The following UBE3A variants were observed in gnomAD, a reference collection of about 807,000 sequenced individuals.
UBE3A encodes ubiquitin-protein ligase E3A.
A neutral mutation model predicts 83.4 loss-of-function variants in UBE3A; 6 were observed. The observed-to-expected ratio is 0.07, with a 90% CI of 0.04 to 0.14. UBE3A has a LOEUF of 0.14. Among genes scored for constraint, UBE3A ranks in the 10% least tolerant of loss-of-function variants. The probability of loss-of-function intolerance (pLI) is 1.00; values close to 1 mark genes in which losing one functional copy is unlikely to be tolerated. For missense variants in UBE3A, 456 were observed against 1,036.1 expected (o/e 0.44, Z 7.69); for synonymous variants, 337 against 355.4 (o/e 0.95, Z 0.58).
chr15:25,368,304 A>C (rs2079663261), intron 6 of UBE3A, among the ~76,000 whole-genome samples: 2 of 152,138 alleles, frequency 1.3e-5, no homozygotes, highest in Non-Finnish European at 2.9e-5. Context: ...CTTACTTCAA[A>C]AAATTACACA....
intron 2 of UBE3A, 57 bp downstream of exon 2, chr15:25,411,851 T>C (rs2090058792): frequency 6.6e-6 from 1 of 152,208 alleles, no homozygotes; most frequent in Non-Finnish European, 1.5e-5. Context: ...TCTGTCATTA[T>C]TATGACATTA....
intron 11 of UBE3A, among the ~76,000 whole-genome samples, chr15:25,343,514 A>C (rs371055854): frequency 9.2e-5 from 14 of 152,308 alleles, no homozygotes; most frequent in Non-Finnish European, 1.6e-4. Context: ...ACCAAAGAAG[A>C]AGCAGTATGA....
chr15:25,386,260 C>T (rs2083111778), intron 4 of UBE3A, among the ~76,000 whole-genome samples: 1 of 152,158 alleles, frequency 6.6e-6, no homozygotes, highest in Admixed American at 6.5e-5. Context: ...CTTACAACCA[C>T]ATTACTAAAT....
intron 4 of UBE3A, among the ~76,000 whole-genome samples, chr15:25,379,491 TA>T (rs1342759778): frequency 1.3e-5 from 2 of 152,150 alleles, no homozygotes; most frequent in East Asian, 1.9e-4. Context: ...GAGACAGGAC[TA>T]AAGGAAGCCA....
chr15:25,402,910 TCTGCCATCTTG>T (rs1283916800), intron 4 of UBE3A, among the ~76,000 whole-genome samples: 3 of 152,224 alleles, frequency 2.0e-5, no homozygotes, highest in Non-Finnish European at 2.9e-5. Flanking sequence ...AAAGTGCTAG[TCTGCCATCTTG>T]CTGTTATCTA....
intron 4 of UBE3A, among the ~76,000 whole-genome samples, chr15:25,404,198 T>C (rs1390199040): frequency 1.3e-5 from 2 of 152,104 alleles, no homozygotes; most frequent in South Asian, 2.1e-4. Context: ...AGATTCACAA[T>C]ATATACCGGC....
intron 4 of UBE3A, among the ~76,000 whole-genome samples, chr15:25,385,703 G>A (rs984651864): frequency 1.3e-5 from 2 of 152,068 alleles, no homozygotes; most frequent in African/African-American, 4.8e-5. Context: ...TGAGAGCAGA[G>A]AACAGGTGAA....
intron 4 of UBE3A, among the ~76,000 whole-genome samples, chr15:25,389,980 T>A (rs1011355449): frequency 6.6e-6 from 1 of 152,126 alleles, no homozygotes; most frequent in African/African-American, 2.4e-5. Context: ...ATTAAAAAAT[T>A]GGCCAACAAC....
intron 11 of UBE3A, among the ~76,000 whole-genome samples, chr15:25,347,722 CA>C (rs1466578693): frequency 7.2e-5 from 11 of 151,860 alleles, no homozygotes; most frequent in Admixed American, 6.6e-4. Context: ...AACAAACAAA[CA>C]AAACAAAACC....
chr15:25,406,090 C>T (rs1433829783), intron 3 of UBE3A, among the ~76,000 whole-genome samples: 1 of 152,150 alleles, frequency 6.6e-6, no homozygotes, highest in African/African-American at 2.4e-5. Context: ...GCCCATAAAG[C>T]CTAAAATATT....
In UBE3A at chr15:25,388,102, T is replaced by C. The variant is rs534310176; in HGVS notation, c.63-12339A>G. ...GACAGAAGCAAAGGAGATGCTCCTATCTCATTGTATGAAGTCAGCATTACT... is the reference window on the plus strand; with the variant it reads ...GACAGAAGCAAAGGAGATGCTCCTACCTCATTGTATGAAGTCAGCATTACT... On this transcript the variant is annotated intron_variant, in intron 4 of 12. Coordinates refer to ENST00000648336, the MANE Select transcript of UBE3A (RefSeq NM_130839.5). Among the ~76,000 whole-genome samples the C allele has an allele frequency of 1.1e-3, 170 of 152,194 alleles. 1 individual carries two copies. The highest frequency in any genetic ancestry group is 3.6e-3 in the African/African-American group (151 of 41,562).
intron 4 of UBE3A, among the ~76,000 whole-genome samples, chr15:25,391,034 A>G (rs2084245380): frequency 6.6e-6 from 1 of 152,186 alleles, no homozygotes; most frequent in African/African-American, 2.4e-5. Context: ...CAGGTTCTCA[A>G]AAAAATATTT....
rs587783102 is a variant in UBE3A, at chr15:25,370,869, A to T, written c.1305T>A (p.Asp435Glu). ...LETELGVKTL[D>E]CRKPLIPFEE... ...CAAAAGGGATAAGTGGTTTTCGACA[A>T]TCCAGGGTTTTAACACCAAGTTCAG... The change falls in exon 6 of 13, where the codon GAT (aspartate) becomes GAA (glutamate). Residue 435 changes from aspartate (D) to glutamate (E), a missense_variant. Around this residue, in one of 13 missense-constraint regions of UBE3A, gnomAD observed 85 missense variants for 137.0 expected, o/e 0.62. Transcript: ENST00000648336. The surrounding 1 kb of genome is among the most constrained non-coding windows in gnomAD (Gnocchi z 4.2). 1 of 1,614,104 alleles carries T rather than the reference A, an allele frequency of 6.2e-7. No individual in the cohort carries two copies. The highest frequency in any genetic ancestry group is 2.2e-5 in the East Asian group (1 of 44,876).
At chr15:25,341,861 C>T (rs1213667843) in intron 11 of UBE3A, among the ~76,000 whole-genome samples, 1 of 151,032 alleles carries the variant, frequency 6.6e-6, no homozygotes, top group Non-Finnish European at 1.5e-5. Context: ...CAATTTTCTA[C>T]CTTTTGATAT....
chr15:25,405,564 C>G, intron 3 of UBE3A, 62 bp from the exon 4 acceptor site: 6 of 1,552,318 alleles, frequency 3.9e-6, no homozygotes, highest in Non-Finnish European at 5.3e-6. Context: ...AAAAGGTAGA[C>G]ATATTACTTA....
At chr15:25,420,935 CAA>C (rs1411957855) in intron 1 of UBE3A, among the ~76,000 whole-genome samples, 1 of 152,100 alleles carries the variant, frequency 6.6e-6, no homozygotes, top group Non-Finnish European at 1.5e-5. Flanking sequence ...ATAAATAAAA[CAA>C]AAAGTGATAT....
At chr15:25,390,931 A>G (rs1029710928) in intron 4 of UBE3A, among the ~76,000 whole-genome samples, 1 of 149,204 alleles carries the variant, frequency 6.7e-6, no homozygotes, top group Non-Finnish European at 1.5e-5. Context: ...GTGAACCTAG[A>G]ACTCCTGTAA....
At chr15:25,368,826 A>C (rs564815182) in intron 6 of UBE3A, among the ~76,000 whole-genome samples, 36 of 152,314 alleles carry the variant, frequency 2.4e-4, no homozygotes, top group African/African-American at 8.2e-4. Context: ...TACTAGAGAA[A>C]AAAATGGGGG....
At position 25,364,805 on chromosome 15, in the gene UBE3A, G is replaced by A. The variant is rs950656776; in HGVS notation, c.1609-4278C>T. Among the ~76,000 whole-genome samples the A allele has an allele frequency of 4.6e-5, 7 of 151,896 alleles. 1 individual carries two copies. The highest frequency in any genetic ancestry group is 1.7e-4 in the African/African-American group (7 of 41,374). ...ACTACAGGCGCCTGCCACCGCGCCT[G>A]GCTATTTTTTTTTGTATTTTTTAGT... On this transcript the variant is annotated intron_variant, in intron 6 of 12. Coordinates refer to ENST00000648336, the MANE Select transcript of UBE3A (RefSeq NM_130839.5).
Sources: gnomAD v4.1 joint callset for allele counts (sites outside exome capture counted in the v4.1 genomes callset) on GRCh38, gnomAD v4.1.1 for gene constraint, gnomAD v4.1.1 regional missense constraint, Gnocchi (gnomAD v3.1) non-coding constraint, MANE v1.5 for transcripts, NCBI Gene and HGNC (gene_info 2026-07-23, HGNC 2026-07-21) for gene names.